Variants in CFAP141 observed in about 807,000 individuals in gnomAD.
CFAP141 encodes the protein cilia- and flagella-associated protein 141.
the CFAP141 span, among the ~76,000 whole-genome samples, chr1:154,203,347 C>T: frequency 1.3e-5 from 2 of 148,396 alleles, no homozygotes; most frequent in South Asian, 4.3e-4. Flanking sequence ...GCAACCTCTG[C>T]CTCCCAGGTT....
chr1:154,204,253 GC>G, the CFAP141 span, among the ~76,000 whole-genome samples: 3 of 151,976 alleles, frequency 2.0e-5, no homozygotes, highest in African/African-American at 7.3e-5. Context: ...TTATCAAACT[GC>G]CTTTGTAAAC....
At chr1:154,203,458 C>T in the CFAP141 span, among the ~76,000 whole-genome samples, 1 of 151,190 alleles carries the variant, frequency 6.6e-6, no homozygotes, top group Non-Finnish European at 1.5e-5. Context: ...GAGACAGGGT[C>T]TCATTCTGTT....
chr1:154,201,833 C>T, the CFAP141 span, among the ~76,000 whole-genome samples: 4 of 151,940 alleles, frequency 2.6e-5, no homozygotes, highest in African/African-American at 7.3e-5. Flanking sequence ...TGCAATGGCC[C>T]GATCTTGGCT....
chr1:154,201,348 T>C, the CFAP141 span, among the ~76,000 whole-genome samples: 2 of 150,238 alleles, frequency 1.3e-5, no homozygotes, highest in Non-Finnish European at 3.0e-5. Flanking sequence ...AGTTGTGAGA[T>C]GCCCAAGGTC....
the CFAP141 span, among the ~76,000 whole-genome samples, chr1:154,200,976 G>A: frequency 1.3e-5 from 2 of 152,098 alleles, no homozygotes; most frequent in Admixed American, 6.6e-5. Context: ...GAGCCACCAC[G>A]CCTGGCCCAA....
chr1:154,205,708 C>G, the CFAP141 span: 1 of 1,427,278 alleles, frequency 7.0e-7, no homozygotes, highest in East Asian at 2.3e-5. Context: ...GAGACATAGA[C>G]CTTTTTTTTT....
At chr1:154,200,028 C>T in the CFAP141 span, among the ~76,000 whole-genome samples, 1 of 152,184 alleles carries the variant, frequency 6.6e-6, no homozygotes, top group Non-Finnish European at 1.5e-5. Flanking sequence ...GCAAGTGCCA[C>T]CATGCCCGGC....
the CFAP141 span, chr1:154,199,544 G>A: frequency 2.6e-6 from 4 of 1,537,886 alleles, no homozygotes; most frequent in Non-Finnish European, 2.7e-6. Flanking sequence ...GGAGAGGGCA[G>A]AATAGAGTGT....
At chr1:154,200,050 T>C in the CFAP141 span, among the ~76,000 whole-genome samples, 1 of 152,024 alleles carries the variant, frequency 6.6e-6, no homozygotes, top group Admixed American at 6.5e-5. Flanking sequence ...AATTTTTGTG[T>C]TTTTAGTAGA....
chr1:154,200,618 T>A, the CFAP141 span: 2 of 1,613,044 alleles, frequency 1.2e-6, no homozygotes, highest in Non-Finnish European at 1.7e-6. Context: ...GGGGGTTGAA[T>A]GGGTGGGTTA....
the CFAP141 span, among the ~76,000 whole-genome samples, chr1:154,202,835 A>C: frequency 7.9e-5 from 11 of 139,080 alleles, no homozygotes; most frequent in South Asian, 2.6e-3. Flanking sequence ...GAAAAGTAAA[A>C]ACTTTCTGGG....
At chr1:154,201,677 C>T in the CFAP141 span, among the ~76,000 whole-genome samples, 1 of 152,156 alleles carries the variant, frequency 6.6e-6, no homozygotes, top group African/African-American at 2.4e-5. Context: ...TATGAGCCAC[C>T]GCGCCTGGCC....
At chr1:154,200,952 G>A in the CFAP141 span, among the ~76,000 whole-genome samples, 1 of 152,196 alleles carries the variant, frequency 6.6e-6, no homozygotes, top group African/African-American at 2.4e-5. Context: ...CCAGAGTGCT[G>A]GGATTATAGG....
the CFAP141 span, among the ~76,000 whole-genome samples, chr1:154,200,845 G>A: frequency 6.6e-6 from 1 of 152,044 alleles, no homozygotes; most frequent in Non-Finnish European, 1.5e-5. Flanking sequence ...ACCATGCCCA[G>A]CTAATTTTTT....
At chr1:154,202,393 T>C in the CFAP141 span, among the ~76,000 whole-genome samples, 4 of 152,300 alleles carry the variant, frequency 2.6e-5, no homozygotes, top group Admixed American at 6.5e-5. Context: ...AGTTTTTTAA[T>C]ATATAGAAAG....
At chr1:154,206,269 G>A in the CFAP141 span, 1 of 1,613,668 alleles carries the variant, frequency 6.2e-7, no homozygotes, top group Non-Finnish European at 8.5e-7. Context: ...TTCCAACTCT[G>A]CATACCTCTT....
At chr1:154,204,274 T>C in the CFAP141 span, among the ~76,000 whole-genome samples, 1 of 152,166 alleles carries the variant, frequency 6.6e-6, no homozygotes, top group Non-Finnish European at 1.5e-5. Flanking sequence ...CATGGCTGTA[T>C]CAACCTAGAC....
At chr1:154,206,307 T>C in the CFAP141 span, 16 of 1,613,900 alleles carry the variant, frequency 9.9e-6, no homozygotes, top group African/African-American at 1.3e-5. Flanking sequence ...TCCACAGACA[T>C]GTCTATAGAT....
the CFAP141 span, chr1:154,200,391 GA>G: frequency 1.3e-6 from 2 of 1,556,306 alleles, no homozygotes; most frequent in East Asian, 4.5e-5. Context: ...TAAGAGCTTG[GA>G]AAACTCAATG....
Sources: allele counts gnomAD v4.1 joint callset (sites outside exome capture counted in the v4.1 genomes callset), GRCh38; gene constraint gnomAD v4.1.1; transcripts MANE v1.5; gene names NCBI Gene and HGNC (gene_info 2026-07-23, HGNC 2026-07-21).